The following VWC2 variants were observed in gnomAD, a reference collection of about 807,000 sequenced individuals.
VWC2 encodes von Willebrand factor C domain containing 2.
Under a neutral mutation model 29.8 loss-of-function variants are expected in VWC2, and 14 were observed. That is an observed-to-expected ratio of 0.47 (90% CI 0.31 to 0.74). The LOEUF is 0.74. VWC2 is among the 30% of genes least tolerant of loss of function. The pLI is 0.05. For missense variants in VWC2, 457 were observed against 459.8 expected (o/e 0.99, Z 0.05); for synonymous variants, 213 against 199.0 (o/e 1.07, Z -0.59).
At chr7:49,889,531 G>A (rs1404545116) in intron 3 of VWC2, among the ~76,000 whole-genome samples, 4 of 152,098 alleles carry the variant, frequency 2.6e-5, no homozygotes, top group Admixed American at 1.3e-4. Flanking sequence ...AAGGAGTCCC[G>A]GGAGCTAGAC....
chr7:49,774,703 A>T (rs1001040574), intron 1 of VWC2, among the ~76,000 whole-genome samples: 1 of 152,120 alleles, frequency 6.6e-6, no homozygotes, highest in Non-Finnish European at 1.5e-5. Flanking sequence ...GCCCTCTGGC[A>T]AGGGGCCGAG....
At position 49,775,475 on chromosome 7, in the gene VWC2, A is replaced by C; in HGVS notation, c.40A>C (p.Ser14Arg). ...TGCGATGGCAGTTGGCGCGCTCTCC[A>C]GTTCCCTCCTGGTCACCTGCTGCCT... ...STAMAVGALS[S>R]SLLVTCCLMV... Residue 14 changes from serine to arginine, a missense_variant, in exon 2 of 4, where the codon AGT becomes CGT. By Grantham distance (110) the Ser-to-Arg change is moderately radical (BLOSUM62 -1). Transcript: ENST00000340652. 7.0e-7 allele frequency: 1 copy of C among 1,422,150 alleles called. No individual in the cohort carries two copies. The highest frequency in any genetic ancestry group is 9.3e-7 in the Non-Finnish European group (1 of 1,077,108). 88.1% of individuals were successfully genotyped at this position (1,422,150 alleles called of 1,614,324 possible). A position where few individuals can be genotyped will look rare whatever the true frequency, so the allele number is the denominator to read the frequency against.
chr7:49,806,095 T>TCC lies in VWC2; in HGVS notation c.826+3256_826+3257dup, dbSNP rs375003725. 7.1e-3 allele frequency among the ~76,000 whole-genome samples: 1,074 copies of TCC among 151,296 alleles called. 10 individuals are homozygous for TCC. Among genetic ancestry groups the TCC allele is most frequent in the South Asian group, 0.026 (122 of 4,780 alleles). On this transcript the variant is annotated intron_variant, in intron 3 of 3. Transcript: ENST00000340652. Reference sequence around the variant, plus strand: ...TGCATGGCATTATTTGTTTTTAAATTCCACCCCCCCACAATGATACAAACA... The same window carrying TCC: ...TGCATGGCATTATTTGTTTTTAAATTCCCCACCCCCCCACAATGATACAAACA...
At chr7:49,814,658 GT>G (rs1423751810) in intron 3 of VWC2, among the ~76,000 whole-genome samples, 1 of 152,138 alleles carries the variant, frequency 6.6e-6, no homozygotes, top group East Asian at 1.9e-4. Flanking sequence ...TGTGCTGGTG[GT>G]TTTATTTGTA....
At position 49,867,826 on chromosome 7, in the gene VWC2, T is replaced by A. The variant is rs1790969656; in HGVS notation, c.827-44208T>A. On this transcript the variant is annotated intron_variant, in intron 3 of 3. Coordinates refer to ENST00000340652, the MANE Select transcript of VWC2 (RefSeq NM_198570.5). ...GAAAGTTACATTATTTTCTATTTTT[T>A]ATTTTATTATTTTATTTTATTTTTT... 3.9e-5 allele frequency among the ~76,000 whole-genome samples: 4 copies of A among 101,650 alleles called. No homozygotes were observed. The South Asian group carries it at 1.2e-3, about 30-fold the overall frequency. The allele number at this position is 101,650 out of a possible 152,430, so 66.7% of individuals were successfully genotyped here. A position where few individuals can be genotyped will look rare whatever the true frequency, so the allele number is the denominator to read the frequency against.
chr7:49,845,240 A>G (rs940221615), intron 3 of VWC2, among the ~76,000 whole-genome samples: 1 of 151,944 alleles, frequency 6.6e-6, no homozygotes, highest in African/African-American at 2.4e-5. Context: ...ACGTTTACCT[A>G]TGTAACAAAC....
intron 3 of VWC2, among the ~76,000 whole-genome samples, chr7:49,907,198 G>C (rs1793149680): frequency 6.6e-6 from 1 of 152,178 alleles, no homozygotes; most frequent in Non-Finnish European, 1.5e-5. Context: ...CTTAAAAAAA[G>C]TTACACTCGA....
intron 3 of VWC2, among the ~76,000 whole-genome samples, chr7:49,892,936 A>T (rs931226169): frequency 1.8e-5 from 2 of 110,996 alleles, no homozygotes; most frequent in African/African-American, 6.7e-5. Context: ...TTCTGAAAAG[A>T]TCTTCAATGA....
At chr7:49,898,514 T>A (rs11768636) in intron 3 of VWC2, among the ~76,000 whole-genome samples, 116,294 of 151,952 alleles carry the variant, frequency 0.77, 44,687 homozygotes, top group East Asian at 0.89. Context: ...CTTTTGAAAG[T>A]TAATTCTGCA....
intron 2 of VWC2, among the ~76,000 whole-genome samples, chr7:49,776,633 T>C (rs1475226658): frequency 6.6e-6 from 1 of 152,180 alleles, no homozygotes; most frequent in African/African-American, 2.4e-5. Flanking sequence ...AAAAAGAAAA[T>C]ATTTGCTCAC....
chr7:49,874,960 G>T (rs866236262), intron 3 of VWC2, among the ~76,000 whole-genome samples: 4 of 152,110 alleles, frequency 2.6e-5, no homozygotes, highest in Admixed American at 6.5e-5. Context: ...AAATTGTGCA[G>T]AGGTGTCTTT....
intron 3 of VWC2, among the ~76,000 whole-genome samples, chr7:49,897,492 A>G (rs1000194769): frequency 7.2e-5 from 11 of 152,318 alleles, no homozygotes; most frequent in African/African-American, 2.4e-4. Context: ...TTAGTACTCA[A>G]ACACTGATCA....
chr7:49,869,498 C>G (rs924507017), intron 3 of VWC2, among the ~76,000 whole-genome samples: 1 of 152,086 alleles, frequency 6.6e-6, no homozygotes, highest in Admixed American at 6.5e-5. Context: ...AAAGTAGGTG[C>G]TATGGTTGCT....
rs894487524 is a variant in VWC2 at position 49,788,964 on chromosome 7, T to G, written c.696+12833T>G. 2.0e-5 allele frequency among the ~76,000 whole-genome samples: 3 copies of G among 146,372 alleles called. No individual in the cohort carries two copies. In the East Asian group the frequency reaches 6.3e-4, roughly 31 times the overall value. On this transcript the variant is annotated intron_variant, in intron 2 of 3. Transcript: ENST00000340652. Reference sequence around the variant, plus strand: ...ATGAGTGTGGGTGCATGTGTGTGCATGAGTGTGTGTGAGCATGTGTGTGTG... The same window carrying G: ...ATGAGTGTGGGTGCATGTGTGTGCAGGAGTGTGTGTGAGCATGTGTGTGTG...
Position 49,917,113 on chromosome 7 carries a change from A to G in VWC2, c.*4928A>G, listed in dbSNP as rs551451177. The G allele has an allele frequency of 2.0e-5, 3 of 152,348 alleles. No homozygotes were observed. The highest frequency in any genetic ancestry group is 4.1e-4 in the South Asian group (2 of 4,824). 9.4% of individuals were successfully genotyped at this position (152,348 alleles called of 1,614,324 possible). A position where few individuals can be genotyped will look rare whatever the true frequency, so the allele number is the denominator to read the frequency against. On this transcript the variant is annotated 3_prime_UTR_variant, in exon 4 of 4. Coordinates refer to ENST00000340652, the MANE Select transcript of VWC2 (RefSeq NM_198570.5). ...TTTCTGTGTGTTTTAATCTTTCTAC[A>G]TAACATAATTAAACACCTCAGTAGG...
intron 2 of VWC2, among the ~76,000 whole-genome samples, chr7:49,788,775 T>C (rs913797163): frequency 8.2e-6 from 1 of 122,554 alleles, no homozygotes. Flanking sequence ...TGAGAGAGGG[T>C]GTGTATGAGT....
At chr7:49,818,792 ATAT>A (rs1224064270) in intron 3 of VWC2, among the ~76,000 whole-genome samples, 2 of 149,118 alleles carry the variant, frequency 1.3e-5, no homozygotes, top group Non-Finnish European at 3.0e-5. Context: ...TTAAAATAAA[ATAT>A]TATGTAAAGG....
At chr7:49,802,114 C>CA (rs145177128) in intron 2 of VWC2, among the ~76,000 whole-genome samples, 4 of 152,076 alleles carry the variant, frequency 2.6e-5, no homozygotes, top group Middle Eastern at 3.4e-3. Context: ...AACATTTCTT[C>CA]AAAAAAAAGT....
At chr7:49,804,404 C>T (rs538653351) in intron 3 of VWC2, among the ~76,000 whole-genome samples, 9 of 151,956 alleles carry the variant, frequency 5.9e-5, no homozygotes, top group South Asian at 2.1e-4. Context: ...TGAGGGCTGG[C>T]GCTCAGGCCA....
Sources: allele counts gnomAD v4.1 joint callset (sites outside exome capture counted in the v4.1 genomes callset), GRCh38; gene constraint gnomAD v4.1.1; transcripts MANE v1.5; gene names NCBI Gene and HGNC (gene_info 2026-07-23, HGNC 2026-07-21).